The following TANC2 variants were observed in gnomAD, a reference collection of about 807,000 sequenced individuals.
TANC2 encodes tetratricopeptide repeat, ankyrin repeat and coiled-coil containing 2.
TANC2 carries 26 observed loss-of-function variants against 210.5 expected under a neutral mutation model. The observed-to-expected ratio is 0.12, with a 90% CI of 0.09 to 0.17. The LOEUF is 0.17. TANC2 is among the 10% of genes least tolerant of loss of function. The pLI, the probability that TANC2 is intolerant of heterozygous loss-of-function variation, is 1.00. For missense variants in TANC2, 2,129 were observed against 2,608.9 expected, an observed-to-expected ratio of 0.82 and a Z score of 4.01; for synonymous variants, 931 against 967.1, an observed-to-expected ratio of 0.96 and a Z score of 0.69.
intron 11 of TANC2, chr17:63,334,141 A>G (rs1426022604): frequency 1.3e-5 from 2 of 152,192 alleles, no homozygotes; most frequent in African/African-American, 2.4e-5. Context: ...CCCAAAAACA[A>G]TGACACATCA....
intron 4 of TANC2, among the ~76,000 whole-genome samples, chr17:63,114,477 C>T (rs2038177067): frequency 6.6e-6 from 1 of 152,136 alleles, no homozygotes. Flanking sequence ...TCTTCTCTGT[C>T]ACTCATTACC....
At chr17:62,997,774 C>G (rs2033187058) in intron 1 of TANC2, among the ~76,000 whole-genome samples, 1 of 151,960 alleles carries the variant, frequency 6.6e-6, no homozygotes, top group Admixed American at 6.5e-5. Context: ...TGGCATAGTT[C>G]TAATGTCAAG....
In TANC2 at chr17:63,195,150, T is replaced by C. The variant is rs1197462801; in HGVS notation, c.582+1011T>C. On this transcript the variant is annotated intron_variant, in intron 6 of 27. Transcript: ENST00000689528. ...TGTCCTCAAGCCTCACTCCTTAGGT[T>C]ATTGGTTTTGCTAGCTGCACATTAT... is the stretch of plus-strand genomic sequence containing the variant. 2.0e-5 allele frequency among the ~76,000 whole-genome samples: 3 copies of C among 152,302 alleles called. No individual in the cohort carries two copies. The East Asian group carries it at 5.8e-4, about 29-fold the overall frequency.
chr17:63,385,743 C>T (rs541276872), intron 15 of TANC2, among the ~76,000 whole-genome samples: 1 of 152,322 alleles, frequency 6.6e-6, no homozygotes, highest in South Asian at 2.1e-4. Context: ...CAGAGCCCAG[C>T]CTCCTCAAGG....
At chr17:63,006,230 G>C (rs1175882072) in intron 1 of TANC2, among the ~76,000 whole-genome samples, 2 of 151,664 alleles carry the variant, frequency 1.3e-5, no homozygotes, top group African/African-American at 4.8e-5. Context: ...TGGCTTTGCT[G>C]ATTTTATCTG....
intron 21 of TANC2, among the ~76,000 whole-genome samples, chr17:63,409,488 A>G (rs556789883): frequency 1.5e-4 from 23 of 152,282 alleles, no homozygotes; most frequent in Admixed American, 1.3e-4. Flanking sequence ...ACCCAGCCAA[A>G]TATTTATTTT....
chr17:62,982,891 A>G (rs2032374602), intron 1 of TANC2, among the ~76,000 whole-genome samples: 1 of 152,150 alleles, frequency 6.6e-6, no homozygotes, highest in Admixed American at 6.5e-5. Flanking sequence ...GAAGTCTGGT[A>G]GTGTGATTTC....
chr17:63,335,628 G>C (rs1344894942), intron 11 of TANC2, among the ~76,000 whole-genome samples: 1 of 147,408 alleles, frequency 6.8e-6, no homozygotes, highest in Admixed American at 6.7e-5. Context: ...AAAAAAAAAA[G>C]TGTCAAGGAA....
chr17:63,232,992 AG>A (rs1277683391), intron 7 of TANC2, among the ~76,000 whole-genome samples: 2 of 152,188 alleles, frequency 1.3e-5, no homozygotes, highest in African/African-American at 4.8e-5. Flanking sequence ...GCCAGTGAGG[AG>A]GGATGGGTCA....
At chr17:63,370,453 C>G (rs958936149) in intron 14 of TANC2, among the ~76,000 whole-genome samples, 1 of 152,104 alleles carries the variant, frequency 6.6e-6, no homozygotes, top group African/African-American at 2.4e-5. Context: ...GCTGGGATTA[C>G]AGGCGTGAGC....
At chr17:62,991,648 A>C (rs1043216584) in intron 1 of TANC2, among the ~76,000 whole-genome samples, 5 of 152,028 alleles carry the variant, frequency 3.3e-5, no homozygotes, top group South Asian at 2.1e-4. Flanking sequence ...TCAAAAAAAA[A>C]AAAAACAAAA....
intron 2 of TANC2, among the ~76,000 whole-genome samples, chr17:63,013,846 G>A (rs1291500104): frequency 1.3e-5 from 2 of 149,272 alleles, no homozygotes; most frequent in African/African-American, 2.5e-5. Flanking sequence ...TCTGCGGCAT[G>A]ATGTCTTTTG....
At chr17:63,051,879 T>C (rs1206793930) in intron 2 of TANC2, among the ~76,000 whole-genome samples, 2 of 151,616 alleles carry the variant, frequency 1.3e-5, no homozygotes, top group African/African-American at 4.9e-5. Context: ...TAGGTTAAGC[T>C]ATATGTTCTG....
intron 8 of TANC2, among the ~76,000 whole-genome samples, chr17:63,251,315 A>G (rs533766579): frequency 1.3e-5 from 2 of 152,298 alleles, no homozygotes; most frequent in African/African-American, 4.8e-5. Context: ...GCAAAGGGAA[A>G]GATAAGTTTG....
intron 8 of TANC2, among the ~76,000 whole-genome samples, chr17:63,240,879 T>C (rs983943115): frequency 6.6e-6 from 1 of 152,224 alleles, no homozygotes; most frequent in East Asian, 1.9e-4. Context: ...TCTTTTTGTG[T>C]TGGCAACAGT....
At chr17:63,120,560 T>A (rs926692612) in intron 4 of TANC2, 1 of 152,122 alleles carries the variant, frequency 6.6e-6, no homozygotes, top group African/African-American at 2.4e-5. Flanking sequence ...ATGCTTGTAA[T>A]CCCACCACTT....
chr17:63,293,966 C>CAGG (rs2044458997), intron 9 of TANC2, among the ~76,000 whole-genome samples: 1 of 152,098 alleles, frequency 6.6e-6, no homozygotes, highest in Admixed American at 6.6e-5. Flanking sequence ...TGGGCTCAAG[C>CAGG]AGTCTTCCCA....
In TANC2 at chr17:63,418,496, C is replaced by T; in HGVS notation, c.4268+89C>T. 1 of 1,098,966 alleles carries T rather than the reference C, an allele frequency of 9.1e-7. No individual in the cohort carries two copies. Among genetic ancestry groups the T allele is most frequent in the Non-Finnish European group, 1.3e-6 (1 of 754,240 alleles). The allele number at this position is 1,098,966 out of a possible 1,614,324, so 68.1% of individuals were successfully genotyped here. On this transcript the variant is annotated intron_variant, in intron 27 of 27. Transcript: ENST00000689528. The surrounding 1 kb of genome is among the most constrained non-coding windows in gnomAD (Gnocchi z 4.6). ...GTCGGCCACCCTGGGGCATATGTAC[C>T]CAAATACATCTCTGTCCTTGAGAAC...
chr17:63,014,065 G>A (rs537764081), intron 2 of TANC2, among the ~76,000 whole-genome samples: 85 of 151,670 alleles, frequency 5.6e-4, no homozygotes, highest in Non-Finnish European at 1.0e-3. Context: ...TTTTCTTTCT[G>A]TTCCTCAGAT....
Sources: allele counts gnomAD v4.1 joint callset (sites outside exome capture counted in the v4.1 genomes callset), GRCh38; gene constraint gnomAD v4.1.1; non-coding constraint Gnocchi (gnomAD v3.1); transcripts MANE v1.5; gene names NCBI Gene and HGNC (gene_info 2026-07-23, HGNC 2026-07-21).